EYS: variants seen among roughly 807,000 people sequenced by gnomAD.
The protein encoded by EYS is EGF-like photoreceptor maintenance factor.
In EYS, 250 loss-of-function variants were observed where a neutral mutation model predicts 282.1. That is an observed-to-expected ratio of 0.89 (90% CI 0.80 to 0.98). The LOEUF is 0.98. EYS is among the 50% of genes least tolerant of loss of function. The probability of loss-of-function intolerance (pLI) is 0.00; values close to 1 mark genes in which losing one functional copy is unlikely to be tolerated. For missense variants in EYS, 4,016 were observed against 3,709.0 expected (o/e 1.08, Z -2.15); for synonymous variants, 1,355 against 1,282.9 (o/e 1.06, Z -1.20).
At chr6:63,875,963 C>T (rs1054662031) in intron 35 of EYS, among the ~76,000 whole-genome samples, 6 of 152,140 alleles carry the variant, frequency 3.9e-5, no homozygotes, top group Non-Finnish European at 8.8e-5. Context: ...TTTTGTGTCT[C>T]TATCTCCTTC....
intron 8 of EYS, among the ~76,000 whole-genome samples, chr6:65,381,493 G>A (rs1368241846): frequency 6.6e-6 from 1 of 151,760 alleles, no homozygotes; most frequent in African/African-American, 2.4e-5. Flanking sequence ...GAGAGGGAGT[G>A]TATTAGGACA....
At chr6:64,899,119 T>C (rs1358920681) in intron 18 of EYS, among the ~76,000 whole-genome samples, 1 of 152,136 alleles carries the variant, frequency 6.6e-6, no homozygotes, top group Non-Finnish European at 1.5e-5. Context: ...AATAGACATC[T>C]ACAGAACTCT....
chr6:64,394,952 C>A (rs1018037572), intron 28 of EYS, among the ~76,000 whole-genome samples: 11 of 152,038 alleles, frequency 7.2e-5, no homozygotes, highest in Admixed American at 6.6e-4. Context: ...ACAAACAACC[C>A]CATCAAAAAG....
At chr6:64,693,595 A>T (rs1770473403) in intron 22 of EYS, among the ~76,000 whole-genome samples, 1 of 152,154 alleles carries the variant, frequency 6.6e-6, no homozygotes, top group Non-Finnish European at 1.5e-5. Flanking sequence ...ACTATGGAGG[A>T]AAAAATGAAT....
At chr6:65,215,121 A>G (rs1376466682) in intron 12 of EYS, among the ~76,000 whole-genome samples, 1 of 152,156 alleles carries the variant, frequency 6.6e-6, no homozygotes, top group Non-Finnish European at 1.5e-5. Flanking sequence ...GAGTAATTAT[A>G]ACTTTCAATA....
chr6:64,969,402 G>A (rs187808764), intron 14 of EYS, among the ~76,000 whole-genome samples: 2 of 152,298 alleles, frequency 1.3e-5, no homozygotes, highest in African/African-American at 2.4e-5. Flanking sequence ...AATGTAATCA[G>A]ATGGCTCTTG....
intron 30 of EYS, among the ~76,000 whole-genome samples, chr6:64,264,059 A>G (rs949920955): frequency 3.9e-5 from 6 of 151,926 alleles, no homozygotes; most frequent in African/African-American, 1.5e-4. Flanking sequence ...ATTGGTATAG[A>G]TATTTTAGAT....
At chr6:65,138,613 G>A (rs76503050) in intron 12 of EYS, among the ~76,000 whole-genome samples, 4,294 of 152,056 alleles carry the variant, frequency 0.028, 155 homozygotes, top group African/African-American at 0.086. Context: ...ACATATTGGT[G>A]AGCACACTGG....
chr6:64,989,394 A>AATATATATATACATATAT, intron 14 of EYS, among the ~76,000 whole-genome samples: 1 of 69,724 alleles, frequency 1.4e-5, no homozygotes, highest in Non-Finnish European at 2.6e-5. Flanking sequence ...GGCTAGCTGT[A>AATATATATATACATATAT]ATATATATAT....
chr6:64,019,393 G>A (rs1380617874), intron 33 of EYS, among the ~76,000 whole-genome samples: 1 of 151,624 alleles, frequency 6.6e-6, no homozygotes, highest in Non-Finnish European at 1.5e-5. Flanking sequence ...AACAAATAAA[G>A]GGCAAGATAT....
chr6:63,957,405 T>C (rs1345861622), intron 35 of EYS, among the ~76,000 whole-genome samples: 1 of 140,778 alleles, frequency 7.1e-6, no homozygotes, highest in African/African-American at 2.4e-5. Flanking sequence ...TATCTGTGAA[T>C]GACCTCAAAT....
intron 12 of EYS, among the ~76,000 whole-genome samples, chr6:65,156,850 T>C (rs1764741006): frequency 6.6e-6 from 1 of 151,092 alleles, no homozygotes; most frequent in African/African-American, 2.4e-5. Context: ...CAGTTTCTCA[T>C]CAAAGATAAT....
chr6:64,156,277 A>C (rs1212592832), intron 31 of EYS, among the ~76,000 whole-genome samples: 3 of 151,968 alleles, frequency 2.0e-5, no homozygotes, highest in Non-Finnish European at 4.4e-5. Context: ...CTGCTTTTGC[A>C]TCTTCCTCAT....
intron 22 of EYS, among the ~76,000 whole-genome samples, chr6:64,782,883 G>A (rs1375549627): frequency 1.3e-5 from 2 of 152,066 alleles, no homozygotes; most frequent in African/African-American, 4.8e-5. Flanking sequence ...GTACATTACA[G>A]TAGTCCTTTC....
chr6:64,488,583 A>G (rs923157279), intron 26 of EYS, among the ~76,000 whole-genome samples: 1 of 151,114 alleles, frequency 6.6e-6, no homozygotes, highest in African/African-American at 2.4e-5. Flanking sequence ...TTATTTCAAA[A>G]CAAAGTCTGG....
rs571243392 is a variant in EYS at position 65,089,075 on chromosome 6, T to A, written c.2024-31348A>T. 1.4e-4 allele frequency among the ~76,000 whole-genome samples: 21 copies of A among 152,220 alleles called. No individual in the cohort carries two copies. In the South Asian group the frequency reaches 3.9e-3, roughly 29 times the overall value. On this transcript the variant is annotated intron_variant, in intron 12 of 42. Coordinates refer to ENST00000503581, the MANE Select transcript of EYS (RefSeq NM_001142800.2). ...AATGCCTAGATGTCCAGGCAGAAGT[T>A]TGCTGTAGGGCCAGGGTCCTCAGGG...
At chr6:64,051,784 G>A (rs988015896) in intron 33 of EYS, among the ~76,000 whole-genome samples, 1 of 152,148 alleles carries the variant, frequency 6.6e-6, no homozygotes, top group Non-Finnish European at 1.5e-5. Context: ...CAGGTGTTCT[G>A]AAGGCCTGGC....
intron 33 of EYS, among the ~76,000 whole-genome samples, chr6:64,065,207 G>A (rs1477651091): frequency 6.6e-6 from 1 of 152,062 alleles, no homozygotes; most frequent in East Asian, 1.9e-4. Flanking sequence ...TTGTTGATGT[G>A]ATTTTCAGAC....
At chr6:64,297,069 G>A (rs1360100756) in intron 30 of EYS, among the ~76,000 whole-genome samples, 3 of 152,196 alleles carry the variant, frequency 2.0e-5, no homozygotes, top group African/African-American at 7.2e-5. Context: ...GTGGCAGGCA[G>A]TTGTGTGCAT....
Sources: gnomAD v4.1 joint callset for allele counts (sites outside exome capture counted in the v4.1 genomes callset) on GRCh38, gnomAD v4.1.1 for gene constraint, MANE v1.5 for transcripts, NCBI Gene and HGNC (gene_info 2026-07-23, HGNC 2026-07-21) for gene names.